CPNE4: variants seen among roughly 807,000 people sequenced by gnomAD.
CPNE4 encodes copine-4.
In CPNE4, 25 loss-of-function variants were observed where a neutral mutation model predicts 67.9. The ratio of observed to expected loss-of-function variants is 0.37; its 90% CI spans 0.27 to 0.51. The LOEUF (loss-of-function observed/expected upper bound fraction) is 0.51. CPNE4 is among the 20% of genes least tolerant of loss of function. The probability of loss-of-function intolerance (pLI) is 0.93; values close to 1 mark genes in which losing one functional copy is unlikely to be tolerated. For missense variants in CPNE4, 464 were observed against 690.8 expected (o/e 0.67, Z 3.68); for synonymous variants, 242 against 244.9 (o/e 0.99, Z 0.11).
chr3:131,805,112 T>C lies in CPNE4; in HGVS notation c.181-81487A>G, dbSNP rs767031277. The stretch of plus-strand genomic sequence containing the variant: ...AGAATTCTTATTGCCCATTCTGTGA[T>C]TTTTCTCTCCTCATTCCCATCCAAT... On this transcript the variant is annotated intron_variant, in intron 2 of 15. Transcript: ENST00000429747. 6.0e-4 allele frequency among the ~76,000 whole-genome samples: 91 copies of C among 152,298 alleles called. 1 individual carries two copies. Among genetic ancestry groups the C allele is most frequent in the Admixed American group, 1.2e-3 (19 of 15,300 alleles).
intron 1 of CPNE4, among the ~76,000 whole-genome samples, chr3:132,008,401 A>G (rs150176577): frequency 4.0e-3 from 612 of 152,332 alleles, no homozygotes; most frequent in Admixed American, 0.01. Flanking sequence ...CTTCTAATAC[A>G]TTATTTCTAA....
intron 2 of CPNE4, among the ~76,000 whole-genome samples, chr3:131,766,997 C>T (rs777397044): frequency 2.6e-5 from 4 of 152,064 alleles, no homozygotes; most frequent in Non-Finnish European, 2.9e-5. Flanking sequence ...ATAGAAAAAA[C>T]GAAAACAGTT....
intron 7 of CPNE4, among the ~76,000 whole-genome samples, chr3:131,593,162 A>T (rs575784685): frequency 6.6e-6 from 1 of 152,214 alleles, no homozygotes; most frequent in Non-Finnish European, 1.5e-5. Context: ...TTGTGGTTCC[A>T]TATGAATTTT....
intron 3 of CPNE4, among the ~76,000 whole-genome samples, chr3:131,722,393 TA>T (rs2081909134): frequency 6.6e-6 from 1 of 152,204 alleles, no homozygotes; most frequent in African/African-American, 2.4e-5. Context: ...AATTTCACAG[TA>T]AATCAGCATC....
At chr3:131,898,686 T>A (rs1229566012) in intron 2 of CPNE4, among the ~76,000 whole-genome samples, 1 of 152,046 alleles carries the variant, frequency 6.6e-6, no homozygotes, top group African/African-American at 2.4e-5. Flanking sequence ...AAGTTGAACA[T>A]CATGGAACCA....
chr3:131,784,094 A>G (rs1380704263), intron 2 of CPNE4, among the ~76,000 whole-genome samples: 1 of 152,120 alleles, frequency 6.6e-6, no homozygotes, highest in African/African-American at 2.4e-5. Context: ...CAAATAGTGT[A>G]TATTTAATAA....
In CPNE4 at chr3:131,905,423, A is replaced by G. The variant is rs148555279; in HGVS notation, c.21T>C (p.Ile7=). Residue 7 remains isoleucine, a synonymous_variant, in exon 2 of 16, where the codon ATT becomes ATC. Coordinates refer to ENST00000429747, the MANE Select transcript of CPNE4 (RefSeq NM_130808.3). MKKMSN[I]YESAANTLGI... is the part of the protein sequence containing the mutation. ...CCAGTGTGTTGGCAGCGGACTCATA[A>G]ATGTTGCTCATCTTCTTCATTCTGT... 39 of 1,613,036 alleles carry G rather than the reference A, an allele frequency of 2.4e-5. No individual in the cohort carries two copies. In the African/African-American group the frequency reaches 2.8e-4, roughly 12 times the overall value.
intron 3 of CPNE4, among the ~76,000 whole-genome samples, chr3:131,714,727 T>G (rs2081642724): frequency 6.6e-6 from 1 of 152,176 alleles, no homozygotes; most frequent in African/African-American, 2.4e-5. Context: ...ATCATAACTC[T>G]GGGGGTGAGG....
chr3:131,667,695 A>G (rs1560081543), intron 7 of CPNE4, among the ~76,000 whole-genome samples: 1 of 150,184 alleles, frequency 6.7e-6, no homozygotes, highest in East Asian at 2.0e-4. Flanking sequence ...TCTATCATCT[A>G]TCAATCAATC....
At chr3:132,012,878 A>C (rs1269387735) in intron 1 of CPNE4, among the ~76,000 whole-genome samples, 1 of 152,184 alleles carries the variant, frequency 6.6e-6, no homozygotes, top group Non-Finnish European at 1.5e-5. Context: ...CAGGATACTA[A>C]AAAGACAACC....
chr3:131,645,769 T>C (rs1160383606), intron 7 of CPNE4, among the ~76,000 whole-genome samples: 1 of 152,208 alleles, frequency 6.6e-6, no homozygotes, highest in Non-Finnish European at 1.5e-5. Flanking sequence ...AAAGTCCTTT[T>C]TAGACTTTCT....
At chr3:131,649,842 T>G (rs192920253) in intron 7 of CPNE4, among the ~76,000 whole-genome samples, 1 of 152,312 alleles carries the variant, frequency 6.6e-6, no homozygotes, top group East Asian at 1.9e-4. Context: ...AGAAGGCCCA[T>G]TTGTTATCTC....
At chr3:131,649,778 G>A (rs1190230392) in intron 7 of CPNE4, among the ~76,000 whole-genome samples, 1 of 152,138 alleles carries the variant, frequency 6.6e-6, no homozygotes, top group Non-Finnish European at 1.5e-5. Flanking sequence ...CCCTCTATTG[G>A]TCTATTAGTT....
At chr3:131,749,776 T>A (rs528089855) in intron 2 of CPNE4, among the ~76,000 whole-genome samples, 2 of 152,322 alleles carry the variant, frequency 1.3e-5, no homozygotes, top group African/African-American at 4.8e-5. Context: ...ACGTCTGCTT[T>A]CATTAGATTA....
chr3:131,747,963 A>T (rs1019073527), intron 2 of CPNE4, among the ~76,000 whole-genome samples: 4 of 152,120 alleles, frequency 2.6e-5, no homozygotes, highest in African/African-American at 9.7e-5. Flanking sequence ...TTTACCATTA[A>T]GTATAATATT....
intron 2 of CPNE4, among the ~76,000 whole-genome samples, chr3:131,767,395 A>C (rs1049300808): frequency 1.3e-5 from 2 of 152,098 alleles, no homozygotes; most frequent in African/African-American, 2.4e-5. Flanking sequence ...CAGAAAACTG[A>C]AGAAAACCAG....
rs549210812 is a variant in CPNE4, at chr3:131,999,150, T to C, written c.-2+35417A>G. 2.6e-3 allele frequency among the ~76,000 whole-genome samples: 374 copies of C among 145,640 alleles called. 2 individuals are homozygous for C. Among genetic ancestry groups the C allele is most frequent in the African/African-American group, 9.3e-3 (359 of 38,810 alleles). Reference sequence around the variant, plus strand: ...AAAGAACTAGTGCAGAGTAGTGTAATGCAGGGAAAAGTTTGGTATGTTTGA... The same window carrying C: ...AAAGAACTAGTGCAGAGTAGTGTAACGCAGGGAAAAGTTTGGTATGTTTGA... On this transcript the variant is annotated intron_variant, in intron 1 of 15. Coordinates refer to ENST00000429747, the MANE Select transcript of CPNE4 (RefSeq NM_130808.3).
At chr3:131,996,212 T>C (rs1328396011) in intron 1 of CPNE4, among the ~76,000 whole-genome samples, 1 of 152,184 alleles carries the variant, frequency 6.6e-6, no homozygotes, top group Non-Finnish European at 1.5e-5. Flanking sequence ...CCTTTGGAGA[T>C]TTAATTATTC....
At chr3:131,556,992 G>T (rs1164700047) in intron 11 of CPNE4, among the ~76,000 whole-genome samples, 3 of 152,056 alleles carry the variant, frequency 2.0e-5, no homozygotes, top group African/African-American at 7.2e-5. Context: ...AGGCTAAGTG[G>T]CCTATGGTGA....
Sources: gnomAD v4.1 joint callset for allele counts (sites outside exome capture counted in the v4.1 genomes callset) on GRCh38, gnomAD v4.1.1 for gene constraint, MANE v1.5 for transcripts, NCBI Gene and HGNC (gene_info 2026-07-23, HGNC 2026-07-21) for gene names.